MED1: variants seen among roughly 807,000 people sequenced by gnomAD.
The protein encoded by MED1 is mediator complex subunit 1.
MED1 carries 17 observed loss-of-function variants against 121.3 expected under a neutral mutation model. The ratio of observed to expected loss-of-function variants is 0.14; its 90% confidence interval spans 0.10 to 0.21. The LOEUF (loss-of-function observed/expected upper bound fraction) is 0.21, where lower values mean the gene tolerates loss of function less well. Among genes scored for constraint, MED1 ranks in the 10% least tolerant of loss-of-function variants. The pLI is 1.00. For missense variants in MED1, 1,558 were observed against 1,919.4 expected (o/e 0.81, Z 3.52); for synonymous variants, 661 against 694.4 (o/e 0.95, Z 0.76).
At chr17:39,444,974 C>T (rs546236009) in intron 2 of MED1, among the ~76,000 whole-genome samples, 2 of 152,146 alleles carry the variant, frequency 1.3e-5, no homozygotes, top group South Asian at 2.1e-4. Flanking sequence ...TCCCTAAAAA[C>T]GTGAACAGTT....
chr17:39,443,718 G>A, intron 2 of MED1, 90 bp from the exon 3 acceptor site: 1 of 1,029,040 alleles, frequency 9.7e-7, no homozygotes, highest in Non-Finnish European at 1.5e-6. Context: ...TAGTAATATT[G>A]CAGGACAGTC....
At chr17:39,427,495 A>C (rs1185977136) in intron 10 of MED1, 1 of 346,926 alleles carries the variant, frequency 2.9e-6, no homozygotes, top group Non-Finnish European at 5.2e-6. Context: ...GTACTTATTA[A>C]GCTCCTATTA....
rs184658707 is a variant in MED1 at position 39,413,435 on chromosome 17, G to A, written c.1499+1591C>T. Among the ~76,000 whole-genome samples, 210 of 152,100 alleles carry A rather than the reference G, an allele frequency of 1.4e-3. 1 individual carries two copies. Among genetic ancestry groups the A allele is most frequent in the African/African-American group, 4.6e-3 (191 of 41,498 alleles). Reference sequence around the variant, plus strand: ...ATACCACCATGCTCGGTTAATTTTCGTATTTTTATAGAGATGACATCTCAA... The same window carrying A: ...ATACCACCATGCTCGGTTAATTTTCATATTTTTATAGAGATGACATCTCAA... On this transcript the variant is annotated intron_variant, in intron 16 of 16. Coordinates refer to ENST00000300651, the MANE Select transcript of MED1 (RefSeq NM_004774.4).
chr17:39,437,657 G>A (rs1364958893), intron 6 of MED1, among the ~76,000 whole-genome samples: 3 of 151,932 alleles, frequency 2.0e-5, no homozygotes, highest in East Asian at 1.9e-4. Flanking sequence ...AACAGGGGCC[G>A]GGCACAGTGG....
At chr17:39,418,414 C>T (rs1567642662) in intron 14 of MED1, among the ~76,000 whole-genome samples, 1 of 151,826 alleles carries the variant, frequency 6.6e-6, no homozygotes, top group Non-Finnish European at 1.5e-5. Flanking sequence ...ATGCCTATAG[C>T]CCCACCTACT....
intron 10 of MED1, among the ~76,000 whole-genome samples, chr17:39,425,533 A>G (rs1322660258): frequency 6.6e-6 from 1 of 152,022 alleles, no homozygotes; most frequent in Non-Finnish European, 1.5e-5. Flanking sequence ...GCCAGGTGTG[A>G]TGGCTCATGC....
Position 39,417,497 on chromosome 17 carries a change from C to T in MED1, c.1298-2158G>A, listed in dbSNP as rs1408789573. On this transcript the variant is annotated intron_variant, in intron 14 of 16. Coordinates refer to ENST00000300651, the MANE Select transcript of MED1 (RefSeq NM_004774.4). ...CAAAAAAATTAGCCGGGCGTGATGGCGGGTGCCTGTAGTCCCAGCTACTCG... is the reference window on the plus strand; with the variant it reads ...CAAAAAAATTAGCCGGGCGTGATGGTGGGTGCCTGTAGTCCCAGCTACTCG... 2.7e-5 allele frequency among the ~76,000 whole-genome samples: 4 copies of T among 150,436 alleles called. No homozygotes were observed. The East Asian group carries it at 6.0e-4, about 23-fold the overall frequency.
At chr17:39,446,915 G>A (rs2048733547) in intron 2 of MED1, among the ~76,000 whole-genome samples, 1 of 152,090 alleles carries the variant, frequency 6.6e-6, no homozygotes, top group Admixed American at 6.6e-5. Context: ...ACTTGAGCCT[G>A]GATGATAAGA....
intron 16 of MED1, among the ~76,000 whole-genome samples, chr17:39,413,792 A>T (rs1205045109): frequency 6.6e-6 from 1 of 151,988 alleles, no homozygotes; most frequent in Non-Finnish European, 1.5e-5. Context: ...AAGAATTGGC[A>T]CACAGGATAG....
chr17:39,419,986 GA>G (rs1372300322), intron 13 of MED1, 68 bp from the exon 14 acceptor site: 1 of 1,412,796 alleles, frequency 7.1e-7, no homozygotes, highest in Non-Finnish European at 9.8e-7. Context: ...AAAGTATCCT[GA>G]AAAAACCTAC....
chr17:39,439,965 G>GGAAA (rs56794429), intron 5 of MED1, among the ~76,000 whole-genome samples: 2,406 of 101,388 alleles, frequency 0.024, 84 homozygotes, highest in African/African-American at 0.079. Context: ...AAGGAAAGAA[G>GGAAA]GAAAGAAAGA....
In MED1 at chr17:39,409,631, C is replaced by G; in HGVS notation, c.2590G>C (p.Asp864His). Reference sequence around the variant, plus strand: ...CTGTTCAATAAATCAGGATTGAAATCTACTCCATCATGAAAAAAATGATTG... The same window carrying G: ...CTGTTCAATAAATCAGGATTGAAATGTACTCCATCATGAAAAAAATGATTG... Reference protein sequence around the residue: ...PTNHFFHDGVDFNPDLLNSQS... With the variant: ...PTNHFFHDGVHFNPDLLNSQS... The change falls in exon 17 of 17, where the codon GAT (aspartate) becomes CAT (histidine). Residue 864 changes from aspartate to histidine, a missense_variant. Asp to His is a moderately conservative substitution (Grantham distance 81, BLOSUM62 -1). Coordinates refer to ENST00000300651, the MANE Select transcript of MED1 (RefSeq NM_004774.4). 1 of 1,614,100 alleles carries G rather than the reference C, an allele frequency of 6.2e-7. No individual in the cohort carries two copies. Among genetic ancestry groups the G allele is most frequent in the Non-Finnish European group, 8.5e-7 (1 of 1,180,020 alleles).
At chr17:39,431,851 CA>C in intron 8 of MED1, 90 bp downstream of exon 8, 1 of 789,874 alleles carries the variant, frequency 1.3e-6, no homozygotes, top group Middle Eastern at 2.4e-4. Context: ...TATTATCATA[CA>C]GGCTTAATAG....
At position 39,407,578 on chromosome 17, in the gene MED1, C is replaced by T. The variant is rs183562626; in HGVS notation, c.4643G>A (p.Ser1548Asn). 3.7e-6 allele frequency: 6 copies of T among 1,614,144 alleles called. No homozygotes were observed. Among genetic ancestry groups the T allele is most frequent in the Non-Finnish European group, 4.2e-6 (5 of 1,180,024 alleles). The change falls in exon 17 of 17, where the codon AGT becomes AAT. Residue 1548 changes from serine to asparagine, a missense_variant. Transcript: ENST00000300651. The part of the protein sequence containing the change: ...ISSDQSLSMT[S>N]NTILSADRPS... ...TCTGTCTGCAGATAAGATTGTGTTACTTGTCATAGACAAGGACTGGTCTGA... is the reference window on the plus strand; with the variant it reads ...TCTGTCTGCAGATAAGATTGTGTTATTTGTCATAGACAAGGACTGGTCTGA...
chr17:39,406,151 A>C lies in MED1; in HGVS notation c.*1324T>G. The C allele has an allele frequency of 7.1e-6, 7 of 985,524 alleles. No homozygotes were observed. Among genetic ancestry groups the C allele is most frequent in the Non-Finnish European group, 8.4e-6 (7 of 829,926 alleles). 61.0% of individuals were successfully genotyped at this position (985,524 alleles called of 1,614,324 possible). A position where few individuals can be genotyped will look rare whatever the true frequency, so the allele number is the denominator to read the frequency against. ...GATGTCCCCCAGAATCCAGACTCAG[A>C]CCTATTTCTCCAAAAAGGTCCAATT... is the stretch of plus-strand genomic sequence containing the variant. On this transcript the variant is annotated 3_prime_UTR_variant, in exon 17 of 17. Coordinates refer to ENST00000300651, the MANE Select transcript of MED1 (RefSeq NM_004774.4).
intron 8 of MED1, 91 bp downstream of exon 8, chr17:39,431,851 C>T (rs2048567691): frequency 2.5e-6 from 2 of 789,756 alleles, no homozygotes; most frequent in Non-Finnish European, 4.1e-6. Context: ...TATTATCATA[C>T]AGGCTTAATA....
At position 39,424,619 on chromosome 17, in the gene MED1, T is replaced by C; in HGVS notation, c.851+8A>G. The C allele has an allele frequency of 6.5e-7, 1 of 1,546,212 alleles. No homozygotes were observed. ...GACTTTGCTACTCTAAAATTATATTTAACTTACCATTTATTGTCAACTGGA... is the reference window on the plus strand; with the variant it reads ...GACTTTGCTACTCTAAAATTATATTCAACTTACCATTTATTGTCAACTGGA... On this transcript the variant is annotated splice_region_variant and intron_variant, in intron 11 of 16. Transcript: ENST00000300651.
At position 39,406,523 on chromosome 17, in the gene MED1, C is replaced by G. The variant is rs1597848709; in HGVS notation, c.*952G>C. ...TGTCCTACACTAAACCTTACTGCAT[C>G]TGAAAACATGTTTACATCCCAACAA... On this transcript the variant is annotated 3_prime_UTR_variant, in exon 17 of 17. Coordinates refer to ENST00000300651, the MANE Select transcript of MED1 (RefSeq NM_004774.4). The G allele has an allele frequency of 1.0e-6, 1 of 983,822 alleles. No individual in the cohort carries two copies. The highest frequency in any genetic ancestry group is 1.2e-6 in the Non-Finnish European group (1 of 829,752). The allele number at this position is 983,822 out of a possible 1,614,324, so 60.9% of individuals were successfully genotyped here.
intron 14 of MED1, among the ~76,000 whole-genome samples, chr17:39,417,845 G>C (rs1190692893): frequency 6.6e-6 from 1 of 151,826 alleles, no homozygotes; most frequent in East Asian, 1.9e-4. Context: ...TTTACGCCGG[G>C]TGCCATGGCT....
Sources: gnomAD v4.1 joint callset for allele counts (sites outside exome capture counted in the v4.1 genomes callset) on GRCh38, gnomAD v4.1.1 for gene constraint, MANE v1.5 for transcripts, NCBI Gene and HGNC (gene_info 2026-07-23, HGNC 2026-07-21) for gene names.